STAB2: variants seen among roughly 807,000 people sequenced by gnomAD.
The protein encoded by STAB2 is stabilin 2.
Under a neutral mutation model 338.1 loss-of-function variants are expected in STAB2, and 288 were observed. The ratio of observed to expected loss-of-function variants is 0.85; its 90% CI spans 0.77 to 0.94. STAB2 has a LOEUF of 0.94. Among genes scored for constraint, STAB2 ranks in the 40% least tolerant of loss-of-function variants. STAB2 has a pLI of 0.00. For missense variants in STAB2, 3,141 were observed against 3,210.1 expected (o/e 0.98, Z 0.52); for synonymous variants, 1,202 against 1,193.3 (o/e 1.01, Z -0.15).
intron 5 of STAB2, among the ~76,000 whole-genome samples, chr12:103,630,887 T>C (rs974811944): frequency 6.6e-6 from 1 of 152,252 alleles, no homozygotes; most frequent in Non-Finnish European, 1.5e-5. Flanking sequence ...TAAATTTGTG[T>C]TGTTTTAAGC....
intron 36 of STAB2, 156 bp downstream of exon 36, chr12:103,704,770 T>C (rs543023879): frequency 1.5e-6 from 1 of 678,086 alleles, no homozygotes; most frequent in African/African-American, 1.8e-5. Flanking sequence ...CTTTGTAAAA[T>C]CTTACATCTA....
At chr12:103,721,242 G>T (rs1880738435) in intron 44 of STAB2, among the ~76,000 whole-genome samples, 1 of 152,230 alleles carries the variant, frequency 6.6e-6, no homozygotes, top group Non-Finnish European at 1.5e-5. Flanking sequence ...ATCAGACAAG[G>T]CCTCTCTGCC....
intron 35 of STAB2, among the ~76,000 whole-genome samples, 174 bp downstream of exon 35, chr12:103,703,450 C>T (rs527249059): frequency 1.3e-5 from 2 of 152,274 alleles, no homozygotes; most frequent in South Asian, 4.1e-4. Context: ...TACAAAGATA[C>T]ATAAGACATG....
intron 44 of STAB2, among the ~76,000 whole-genome samples, chr12:103,718,265 T>C (rs774016493): frequency 4.6e-5 from 7 of 152,110 alleles, no homozygotes; most frequent in Non-Finnish European, 1.0e-4. Context: ...CAATATAGTG[T>C]AGCATTCCAA....
At chr12:103,721,203 G>C (rs1880734770) in intron 44 of STAB2, among the ~76,000 whole-genome samples, 1 of 152,212 alleles carries the variant, frequency 6.6e-6, no homozygotes. Flanking sequence ...ATGGAACAGA[G>C]ACTGGGTGAG....
intron 22 of STAB2, among the ~76,000 whole-genome samples, chr12:103,671,029 G>A (rs974788722): frequency 3.9e-5 from 6 of 152,186 alleles, no homozygotes; most frequent in African/African-American, 1.4e-4. Flanking sequence ...GCCCCAATGG[G>A]TCTTCAGAAT....
At chr12:103,682,633 C>A (rs560563996) in intron 25 of STAB2, among the ~76,000 whole-genome samples, 1 of 152,254 alleles carries the variant, frequency 6.6e-6, no homozygotes, top group East Asian at 1.9e-4. Flanking sequence ...GAGACTATCT[C>A]CATAGGACCC....
intron 9 of STAB2, among the ~76,000 whole-genome samples, chr12:103,642,258 T>G (rs527814723): frequency 2.0e-5 from 3 of 152,352 alleles, no homozygotes; most frequent in South Asian, 4.1e-4. Flanking sequence ...TTACTTTTAC[T>G]TATTAATAGA....
At chr12:103,728,455 C>T (rs1369988903) in intron 47 of STAB2, among the ~76,000 whole-genome samples, 1 of 152,222 alleles carries the variant, frequency 6.6e-6, no homozygotes, top group Non-Finnish European at 1.5e-5. Context: ...ATGATCTTCC[C>T]ACTACTAAAG....
intron 60 of STAB2, among the ~76,000 whole-genome samples, chr12:103,751,507 G>A (rs1329374924): frequency 6.6e-6 from 1 of 152,166 alleles, no homozygotes; most frequent in Non-Finnish European, 1.5e-5. Context: ...AGCTGGGGAG[G>A]GAAGGTGACG....
chr12:103,748,625 C>T (rs947673413), intron 58 of STAB2, among the ~76,000 whole-genome samples: 90 of 73,998 alleles, frequency 1.2e-3, no homozygotes, highest in Non-Finnish European at 1.6e-3. Flanking sequence ...CACACACACA[C>T]ACACACACAC....
chr12:103,674,157 G>T lies in STAB2; in HGVS notation c.2552+70G>T. ...GTGTAAGGGGATGGCACTTAATGAC[G>T]CTGTGTTACCTGTAGACGGAGCCAA... On this transcript the variant is annotated intron_variant, in intron 23 of 68. Transcript: ENST00000388887. The T allele has an allele frequency of 2.6e-6, 4 of 1,527,576 alleles. No homozygotes were observed. The Admixed American group carries it at 5.3e-5, about 20-fold the overall frequency. The allele number at this position is 1,527,576 out of a possible 1,614,324, so 94.6% of individuals were successfully genotyped here.
intron 3 of STAB2, among the ~76,000 whole-genome samples, chr12:103,612,795 T>A (rs1957146214): frequency 6.6e-6 from 1 of 152,140 alleles, no homozygotes; most frequent in Admixed American, 6.6e-5. Context: ...TTCTGCTCTG[T>A]TTTTTTCCCC....
At chr12:103,749,252 T>C (rs1001230831) in intron 59 of STAB2, 96 bp downstream of exon 59, 3 of 1,309,580 alleles carry the variant, frequency 2.3e-6, no homozygotes, top group Non-Finnish European at 3.1e-6. Flanking sequence ...TCTCCTGGAC[T>C]CTTCCTAAAC....
At position 103,732,987 on chromosome 12, in the gene STAB2, C is replaced by T; in HGVS notation, c.5284-19C>T. 1 of 1,611,634 alleles carries T rather than the reference C, an allele frequency of 6.2e-7. No homozygotes were observed. Among genetic ancestry groups the T allele is most frequent in the Non-Finnish European group, 8.5e-7 (1 of 1,178,536 alleles). On this transcript the variant is annotated intron_variant, in intron 50 of 68. Coordinates refer to ENST00000388887, the MANE Select transcript of STAB2 (RefSeq NM_017564.10). ...GGGCCTTGCTCAAGCCAGCAAGGGG[C>T]TGAATCCCTGTGTTTCAGGACTCAG...
At chr12:103,693,681 G>T (rs1218700043) in intron 31 of STAB2, among the ~76,000 whole-genome samples, 3 of 152,018 alleles carry the variant, frequency 2.0e-5, no homozygotes, top group African/African-American at 4.8e-5. Context: ...TATAACAAAG[G>T]TATGACATAG....
At position 103,670,715 on chromosome 12, in the gene STAB2, G is replaced by A. The variant is rs777659272; in HGVS notation, c.2279G>A (p.Gly760Asp). 2.5e-6 allele frequency: 4 copies of A among 1,613,928 alleles called. No homozygotes were observed. The highest frequency in any genetic ancestry group is 2.2e-5 in the East Asian group (1 of 44,888). The change falls in exon 22 of 69, where the codon GGC (glycine) becomes GAC (aspartate). Residue 760 changes from glycine (G) to aspartate (D), a missense_variant. Physicochemically the swap from Gly to Asp is moderately conservative, Grantham distance 94 (BLOSUM62 -1). Transcript: ENST00000388887. The stretch of plus-strand genomic sequence containing the variant: ...TCCCAGTGTGCAGATAGCCTCGGCG[G>A]CAACGGGACATGCATTTGTGAGGAG... ...GNGQCADSLG[G>D]NGTCICEEGF...
At chr12:103,604,432 C>T (rs778091046) in intron 3 of STAB2, among the ~76,000 whole-genome samples, 21 of 151,998 alleles carry the variant, frequency 1.4e-4, no homozygotes, top group Non-Finnish European at 2.2e-4. Flanking sequence ...TTTTGTAAAA[C>T]TGATATAACT....
chr12:103,724,748 T>C (rs1220684081), intron 44 of STAB2, among the ~76,000 whole-genome samples: 1 of 152,192 alleles, frequency 6.6e-6, no homozygotes, highest in Non-Finnish European at 1.5e-5. Flanking sequence ...GCTGGAGATC[T>C]GCTCAAAGGG....
Sources: allele counts gnomAD v4.1 joint callset (sites outside exome capture counted in the v4.1 genomes callset), GRCh38; gene constraint gnomAD v4.1.1; transcripts MANE v1.5; gene names NCBI Gene and HGNC (gene_info 2026-07-23, HGNC 2026-07-21).